Variants in DSCAML1 observed in about 807,000 individuals in gnomAD.
The protein encoded by DSCAML1 is cell adhesion molecule DSCAML1.
A neutral mutation model predicts 200.5 loss-of-function variants in DSCAML1; 38 were observed. The observed-to-expected ratio is 0.19, with a 90% CI of 0.15 to 0.25. The LOEUF (loss-of-function observed/expected upper bound fraction) is 0.25. DSCAML1 is among the 10% of genes least tolerant of loss of function. The pLI, the probability that DSCAML1 is intolerant of heterozygous loss-of-function variation, is 1.00. For synonymous variants in DSCAML1, 1,215 were observed against 1,165.0 expected, an observed-to-expected ratio of 1.04 and a Z score of -0.87; for missense variants, 2,223 against 2,858.8, an observed-to-expected ratio of 0.78 and a Z score of 5.07.
intron 3 of DSCAML1, among the ~76,000 whole-genome samples, chr11:117,568,035 G>A (rs1396059340): frequency 1.3e-5 from 2 of 151,898 alleles, no homozygotes; most frequent in Admixed American, 6.6e-5. Flanking sequence ...ATGATCAAGT[G>A]GGCTTCATCC....
At position 117,514,572 on chromosome 11, in the gene DSCAML1, C is replaced by CTTTTT. The variant is rs532136039; in HGVS notation, c.1783+1890_1783+1894dup. Among the ~76,000 whole-genome samples, 126 of 98,270 alleles carry CTTTTT rather than the reference C, an allele frequency of 1.3e-3. 2 individuals are homozygous for CTTTTT. Among genetic ancestry groups the CTTTTT allele is most frequent in the East Asian group, 2.4e-3 (6 of 2,518 alleles). 64.5% of individuals were successfully genotyped at this position (98,270 alleles called of 152,430 possible). A position where few individuals can be genotyped will look rare whatever the true frequency, so the allele number is the denominator to read the frequency against. On this transcript the variant is annotated intron_variant, in intron 8 of 32. Transcript: ENST00000651296. The stretch of plus-strand genomic sequence containing the variant: ...TTTACTTAACTTTTCTTTTCTTTTT[C>CTTTTT]TTTTTTTTTTTTTTTTTTTTTTTTT...
chr11:117,624,743 C>A (rs971992523), intron 3 of DSCAML1, among the ~76,000 whole-genome samples: 3 of 152,066 alleles, frequency 2.0e-5, no homozygotes, highest in Non-Finnish European at 4.4e-5. Flanking sequence ...CCTGGTAAGC[C>A]CTGGGGTCAA....
chr11:117,443,604 CT>C (rs1304536246), intron 21 of DSCAML1, among the ~76,000 whole-genome samples: 1 of 152,022 alleles, frequency 6.6e-6, no homozygotes, highest in African/African-American at 2.4e-5. Context: ...GCGACTCCCC[CT>C]TTTTCAAGCT....
intron 11 of DSCAML1, among the ~76,000 whole-genome samples, chr11:117,493,256 G>A (rs1369854164): frequency 2.0e-5 from 3 of 152,020 alleles, no homozygotes; most frequent in Admixed American, 6.5e-5. Context: ...GAGTAGACGC[G>A]CAGGACGGGG....
In DSCAML1 at chr11:117,720,923, AC is replaced by A. The variant is rs538926674; in HGVS notation, c.511+55867del. On this transcript the variant is annotated intron_variant, in intron 3 of 32. Coordinates refer to ENST00000651296, the MANE Select transcript of DSCAML1 (RefSeq NM_020693.4). ...GCTGAGTCCTACATGAGGGACAGGC[AC>A]AGACTTTGTCCTCTAAGAAGTGTCC... 2.0e-5 allele frequency among the ~76,000 whole-genome samples: 3 copies of A among 152,372 alleles called. No homozygotes were observed. The South Asian group carries it at 6.2e-4, about 32-fold the overall frequency.
chr11:117,604,730 GA>G (rs1227237268), intron 3 of DSCAML1, among the ~76,000 whole-genome samples: 1 of 152,248 alleles, frequency 6.6e-6, no homozygotes, highest in Non-Finnish European at 1.5e-5. Flanking sequence ...AGTGGCAGAT[GA>G]GATAGGAAAC....
Position 117,505,498 on chromosome 11 carries a change from T to C in DSCAML1, c.2018A>G (p.Asn673Ser), listed in dbSNP as rs2049477747. 1 of 1,612,802 alleles carries C rather than the reference T, an allele frequency of 6.2e-7. No individual in the cohort carries two copies. Among genetic ancestry groups the C allele is most frequent in the African/African-American group, 1.3e-5 (1 of 74,894 alleles). The change falls in exon 9 of 33, where the codon AAC (asparagine) becomes AGC (serine). Residue 673 changes from asparagine (N) to serine (S), a missense_variant. Transcript: ENST00000651296. The surrounding 1 kb of genome is among the most constrained non-coding windows in gnomAD (Gnocchi z 6.7). Reference sequence around the variant, plus strand: ...CTCCCGGCTCACGGTGGCGGCTGCGTTGCTGGCGATGCATGTATAGTTGCC... The same window carrying C: ...CTCCCGGCTCACGGTGGCGGCTGCGCTGCTGGCGATGCATGTATAGTTGCC... ...HNGNYTCIAS[N>S]AAATVSRERQ... is the part of the protein sequence containing the mutation.
intron 3 of DSCAML1, among the ~76,000 whole-genome samples, chr11:117,620,035 C>T (rs914552298): frequency 2.0e-5 from 3 of 152,292 alleles, no homozygotes; most frequent in South Asian, 2.1e-4. Context: ...TAGCAAATTT[C>T]GTGAAACATC....
At chr11:117,435,847 G>A in intron 26 of DSCAML1, 48 bp from the exon 27 acceptor site, 1 of 1,571,710 alleles carries the variant, frequency 6.4e-7, no homozygotes. Flanking sequence ...TGAGCCAGGT[G>A]CTGTGCAGAA....
At position 117,769,423 on chromosome 11, in the gene DSCAML1, T is replaced by A. The variant is rs866941167; in HGVS notation, c.511+7368A>T. The stretch of plus-strand genomic sequence containing the variant: ...TATATAATATATATTTTATATATAT[T>A]ATATATATTTTTATATAATATATAT... On this transcript the variant is annotated intron_variant, in intron 3 of 32. Transcript: ENST00000651296. 8.1e-4 allele frequency among the ~76,000 whole-genome samples: 37 copies of A among 45,564 alleles called. 2 individuals are homozygous for A. Among genetic ancestry groups the A allele is most frequent in the African/African-American group, 3.9e-3 (35 of 8,968 alleles). 29.9% of individuals were successfully genotyped at this position (45,564 alleles called of 152,430 possible).
chr11:117,697,557 C>G (rs1028142360), intron 3 of DSCAML1, among the ~76,000 whole-genome samples: 2 of 152,110 alleles, frequency 1.3e-5, no homozygotes, highest in African/African-American at 4.8e-5. Flanking sequence ...CTTCATCTTG[C>G]AGATGAAACT....
intron 3 of DSCAML1, among the ~76,000 whole-genome samples, chr11:117,770,942 A>T (rs1434965632): frequency 1.3e-5 from 2 of 152,224 alleles, no homozygotes; most frequent in African/African-American, 4.8e-5. Flanking sequence ...AGTTAAAATC[A>T]TGTGCCCTGA....
At chr11:117,712,430 G>C (rs775760452) in intron 3 of DSCAML1, among the ~76,000 whole-genome samples, 3 of 152,146 alleles carry the variant, frequency 2.0e-5, no homozygotes, top group African/African-American at 4.8e-5. Context: ...ACAGTTTCAG[G>C]GGCAATTACC....
At chr11:117,451,581 T>G (rs187382368) in intron 19 of DSCAML1, among the ~76,000 whole-genome samples, 223 of 152,336 alleles carry the variant, frequency 1.5e-3, no homozygotes, top group African/African-American at 5.2e-3. Context: ...CCCAGCACTT[T>G]GGGAAGCCAA....
rs527419149 is a variant in DSCAML1, at chr11:117,645,918, A to AT, written c.512-113397_512-113396insA. 3.1e-3 allele frequency among the ~76,000 whole-genome samples: 474 copies of AT among 152,220 alleles called. 1 individual carries two copies. Among genetic ancestry groups the AT allele is most frequent in the Non-Finnish European group, 4.9e-3 (334 of 67,998 alleles). Reference sequence around the variant, plus strand: ...AGTATAATAATAAATAAATAAATAAAAGAAAAAAAAGAATTATATACCCAA... The same window carrying AT: ...AGTATAATAATAAATAAATAAATAAATAGAAAAAAAAGAATTATATACCCAA... On this transcript the variant is annotated intron_variant, in intron 3 of 32. Transcript: ENST00000651296.
At chr11:117,608,545 A>C (rs2051621249) in intron 3 of DSCAML1, among the ~76,000 whole-genome samples, 2 of 152,210 alleles carry the variant, frequency 1.3e-5, no homozygotes, top group Admixed American at 1.3e-4. Context: ...ATACGAGAAC[A>C]TTTTAACATC....
chr11:117,759,529 G>A (rs191069217), intron 3 of DSCAML1, among the ~76,000 whole-genome samples: 5 of 152,226 alleles, frequency 3.3e-5, no homozygotes, highest in East Asian at 3.9e-4. Flanking sequence ...CTATGACCTC[G>A]ACTCCCAACT....
chr11:117,505,614 T>C lies in DSCAML1; in HGVS notation c.1902A>G (p.Gly634=), dbSNP rs2049480470. 1 of 1,613,992 alleles carries C rather than the reference T, an allele frequency of 6.2e-7. No homozygotes were observed. Among genetic ancestry groups the C allele is most frequent in the Non-Finnish European group, 8.5e-7 (1 of 1,180,032 alleles). The change falls in exon 9 of 33, where the codon GGA becomes GGG. Residue 634 remains glycine, a synonymous_variant. Transcript: ENST00000651296. The surrounding 1 kb of genome is among the most constrained non-coding windows in gnomAD (Gnocchi z 6.7). ...CGCCCGAGCCTGAGATGATCACCTGTCCGTCCTTCCTCCAGGTGATACGGA... is the reference window on the plus strand; with the variant it reads ...CGCCCGAGCCTGAGATGATCACCTGCCCGTCCTTCCTCCAGGTGATACGGA... ...MPIRITWRKD[G]QVIISGSGVT... is the part of the protein sequence containing the mutation.
chr11:117,741,897 T>G (rs1225897455), intron 3 of DSCAML1, among the ~76,000 whole-genome samples: 2 of 152,158 alleles, frequency 1.3e-5, no homozygotes, highest in Non-Finnish European at 2.9e-5. Flanking sequence ...ATGGTGGGAA[T>G]GCAGGACAAG....
Sources: gnomAD v4.1 joint callset for allele counts (sites outside exome capture counted in the v4.1 genomes callset) on GRCh38, gnomAD v4.1.1 for gene constraint, Gnocchi (gnomAD v3.1) non-coding constraint, MANE v1.5 for transcripts, NCBI Gene and HGNC (gene_info 2026-07-23, HGNC 2026-07-21) for gene names.